Variants in CTNNA2 observed in about 807,000 individuals in gnomAD.
The protein encoded by CTNNA2 is catenin alpha-2.
In CTNNA2, 42 loss-of-function variants were observed where a neutral mutation model predicts 101.0. That is an observed-to-expected ratio of 0.42 (90% CI 0.32 to 0.54). The LOEUF (loss-of-function observed/expected upper bound fraction) is 0.54. Among genes scored for constraint, CTNNA2 ranks in the 20% least tolerant of loss-of-function variants. The pLI is 0.14. For missense variants in CTNNA2, 871 were observed against 1,223.1 expected (o/e 0.71, Z 4.29); for synonymous variants, 450 against 456.4 (o/e 0.99, Z 0.18).
chr2:79,543,210 A>G (rs374166568), intron 1 of CTNNA2, among the ~76,000 whole-genome samples: 2 of 152,180 alleles, frequency 1.3e-5, no homozygotes, highest in Non-Finnish European at 2.9e-5. Flanking sequence ...CCATTAAAAC[A>G]TATTTGTGAA....
chr2:80,449,961 G>A (rs1206492363), intron 9 of CTNNA2, among the ~76,000 whole-genome samples: 1 of 152,170 alleles, frequency 6.6e-6, no homozygotes, highest in Admixed American at 6.5e-5. Flanking sequence ...ACGTGATTGT[G>A]GTTGAATTTC....
chr2:79,381,475 T>A (rs1040522059), intron 4 of CTNNA2, among the ~76,000 whole-genome samples: 1 of 152,246 alleles, frequency 6.6e-6, no homozygotes, highest in African/African-American at 2.4e-5. Flanking sequence ...GATCAAAAAC[T>A]ATCAAGTCAA....
intron 15 of CTNNA2, among the ~76,000 whole-genome samples, chr2:80,593,400 C>T (rs1302997086): frequency 6.6e-6 from 1 of 151,944 alleles, no homozygotes; most frequent in African/African-American, 2.4e-5. Flanking sequence ...TTTCAGTCCC[C>T]ACCTCACATT....
intron 1 of CTNNA2, among the ~76,000 whole-genome samples, chr2:79,534,694 TC>T (rs1166067678): frequency 6.6e-6 from 1 of 152,112 alleles, no homozygotes; most frequent in Non-Finnish European, 1.5e-5. Flanking sequence ...TTCCTCTTTT[TC>T]ATTTTTGATA....
intron 3 of CTNNA2, among the ~76,000 whole-genome samples, chr2:79,336,424 C>G (rs142787943): frequency 2.0e-5 from 3 of 152,242 alleles, no homozygotes; most frequent in African/African-American, 7.2e-5. Flanking sequence ...CTTATGATAG[C>G]CTTGCCATAT....
At chr2:79,717,899 G>T (rs1294533622) in intron 2 of CTNNA2, among the ~76,000 whole-genome samples, 7 of 152,206 alleles carry the variant, frequency 4.6e-5, no homozygotes, top group Middle Eastern at 3.4e-3. Flanking sequence ...TGTGCCACTG[G>T]GGGACCTAAG....
rs151297901 is a variant in CTNNA2 at position 80,537,402 on chromosome 2, T to C, written c.1291-7580T>C. Among the ~76,000 whole-genome samples, 822 of 152,306 alleles carry C rather than the reference T, an allele frequency of 5.4e-3. 6 individuals are homozygous for C. The highest frequency in any genetic ancestry group is 0.019 in the African/African-American group (779 of 41,560). ...TTAAACATATGTGTGCATGTGTCTTTATAGTAGAATGATTTATAATCCTTT... is the reference window on the plus strand; with the variant it reads ...TTAAACATATGTGTGCATGTGTCTTCATAGTAGAATGATTTATAATCCTTT... On this transcript the variant is annotated intron_variant, in intron 9 of 18. Transcript: ENST00000402739.
intron 7 of CTNNA2, among the ~76,000 whole-genome samples, chr2:80,214,714 G>A (rs1708142377): frequency 6.6e-6 from 1 of 152,008 alleles, no homozygotes; most frequent in Non-Finnish European, 1.5e-5. Context: ...TTCAACTTTG[G>A]TGAATCTGAC....
chr2:80,469,729 G>T (rs1368849863), intron 9 of CTNNA2, among the ~76,000 whole-genome samples: 1 of 152,090 alleles, frequency 6.6e-6, no homozygotes. Flanking sequence ...CTTATGGGGG[G>T]TATAGTCTAG....
chr2:80,225,003 C>T (rs1313621603), intron 7 of CTNNA2, among the ~76,000 whole-genome samples: 1 of 152,208 alleles, frequency 6.6e-6, no homozygotes, highest in Non-Finnish European at 1.5e-5. Flanking sequence ...AATCCCCACA[C>T]TGCACCAGCC....
intron 6 of CTNNA2, among the ~76,000 whole-genome samples, chr2:79,903,502 G>A (rs1685212472): frequency 6.6e-6 from 1 of 152,196 alleles, no homozygotes; most frequent in African/African-American, 2.4e-5. Flanking sequence ...CAGAGAAGTC[G>A]CTTCAGAACC....
At chr2:79,881,143 C>G (rs575089397) in intron 6 of CTNNA2, among the ~76,000 whole-genome samples, 1 of 152,146 alleles carries the variant, frequency 6.6e-6, no homozygotes, top group Non-Finnish European at 1.5e-5. Context: ...TTTCTTCATC[C>G]TAAGTTCTCA....
intron 4 of CTNNA2, among the ~76,000 whole-genome samples, chr2:79,376,823 T>G (rs1677981960): frequency 1.3e-5 from 2 of 152,200 alleles, no homozygotes; most frequent in Non-Finnish European, 2.9e-5. Flanking sequence ...CCTTATCATT[T>G]TTTATGGCTG....
intron 7 of CTNNA2, among the ~76,000 whole-genome samples, chr2:79,955,842 A>C (rs967525248): frequency 1.3e-5 from 2 of 152,152 alleles, no homozygotes; most frequent in Non-Finnish European, 2.9e-5. Context: ...GTTCACACAC[A>C]AGGCTGCTCC....
intron 7 of CTNNA2, among the ~76,000 whole-genome samples, chr2:79,967,018 A>G (rs1395148818): frequency 6.6e-6 from 1 of 151,868 alleles, no homozygotes; most frequent in African/African-American, 2.4e-5. Context: ...TTTGTTTCCA[A>G]GGCTGTAAAT....
rs1553385603 is a variant in CTNNA2, at chr2:79,243,001, C to CACACAT, written c.-406+44930_-406+44931insTACACA. On this transcript the variant is annotated intron_variant, in intron 2 of 21. Transcript: ENST00000466387. ...ATATATATATATATATATACACACA[C>CACACAT]ACACACACACACACACACACACACA... 2.1e-3 allele frequency among the ~76,000 whole-genome samples: 260 copies of CACACAT among 122,704 alleles called. 3 individuals carry two copies. Among genetic ancestry groups the CACACAT allele is most frequent in the Middle Eastern group, 4.2e-3 (1 of 236 alleles). 80.5% of individuals were successfully genotyped at this position (122,704 alleles called of 152,430 possible).
chr2:79,604,699 C>T (rs994052939), intron 1 of CTNNA2, among the ~76,000 whole-genome samples: 2 of 152,118 alleles, frequency 1.3e-5, no homozygotes, highest in Non-Finnish European at 2.9e-5. Context: ...TATTCACATA[C>T]GTTTGGGTCT....
At chr2:79,646,953 T>G (rs779914341) in intron 1 of CTNNA2, among the ~76,000 whole-genome samples, 3 of 152,256 alleles carry the variant, frequency 2.0e-5, no homozygotes, top group Non-Finnish European at 4.4e-5. Context: ...AATCTTGTTT[T>G]TCACTCTTTG....
intron 3 of CTNNA2, among the ~76,000 whole-genome samples, chr2:79,841,896 T>C (rs1679845181): frequency 6.6e-6 from 1 of 152,234 alleles, no homozygotes; most frequent in African/African-American, 2.4e-5. Context: ...GATTACAACA[T>C]GATATCCATA....
Sources: gnomAD v4.1 joint callset for allele counts (sites outside exome capture counted in the v4.1 genomes callset) on GRCh38, gnomAD v4.1.1 for gene constraint, MANE v1.5 for transcripts, NCBI Gene and HGNC (gene_info 2026-07-23, HGNC 2026-07-21) for gene names.